The following SGCZ variants were observed in gnomAD, a reference collection of about 807,000 sequenced individuals.
SGCZ encodes sarcoglycan zeta, also known as zeta-sarcoglycan.
In SGCZ, 40 loss-of-function variants were observed where a neutral mutation model predicts 41.3. The observed-to-expected ratio is 0.97, with a 90% CI of 0.75 to 1.26. The LOEUF (loss-of-function observed/expected upper bound fraction) is 1.26, where lower values mean the gene tolerates loss of function less well. SGCZ is among the 50% of genes most tolerant of loss of function. SGCZ has a pLI of 0.00. For synonymous variants in SGCZ, 206 were observed against 137.5 expected (o/e 1.50, Z -3.49); for missense variants, 552 against 369.8 (o/e 1.49, Z -4.04).
chr8:14,757,220 T>G (rs1006617613), intron 1 of SGCZ, among the ~76,000 whole-genome samples: 5 of 152,174 alleles, frequency 3.3e-5, no homozygotes, highest in African/African-American at 7.2e-5. Context: ...AGCTAATGTT[T>G]GTATTCTTAG....
At chr8:14,764,815 G>C (rs1799992126) in intron 1 of SGCZ, among the ~76,000 whole-genome samples, 1 of 152,084 alleles carries the variant, frequency 6.6e-6, no homozygotes, top group South Asian at 2.1e-4. Flanking sequence ...GTTGAATAAT[G>C]AACATGCTTC....
intron 1 of SGCZ, among the ~76,000 whole-genome samples, chr8:15,144,195 A>T (rs1432148697): frequency 3.3e-5 from 5 of 152,216 alleles, no homozygotes. Context: ...GAATCAGAAA[A>T]TTGCATTCCA....
At chr8:14,208,962 G>A (rs1310186142) in intron 4 of SGCZ, among the ~76,000 whole-genome samples, 1 of 152,268 alleles carries the variant, frequency 6.6e-6, no homozygotes, top group African/African-American at 2.4e-5. Context: ...AAATCAAGCT[G>A]CAGACATGGA....
intron 1 of SGCZ, among the ~76,000 whole-genome samples, chr8:14,593,106 G>C (rs1015190523): frequency 6.6e-6 from 1 of 152,066 alleles, no homozygotes; most frequent in Non-Finnish European, 1.5e-5. Context: ...AAGATGTCCA[G>C]ATTCCAATGC....
At chr8:14,943,479 T>G (rs1800342335) in intron 1 of SGCZ, among the ~76,000 whole-genome samples, 1 of 152,184 alleles carries the variant, frequency 6.6e-6, no homozygotes. Flanking sequence ...GCCTCCTCCC[T>G]GCACAGGCCA....
At chr8:15,188,815 GAAT>G (rs1244758411) in intron 1 of SGCZ, among the ~76,000 whole-genome samples, 1 of 151,912 alleles carries the variant, frequency 6.6e-6, no homozygotes, top group Non-Finnish European at 1.5e-5. Context: ...GTTGATTTGA[GAAT>G]AAGAAAGAAA....
At chr8:14,511,052 C>T (rs544629743) in intron 2 of SGCZ, among the ~76,000 whole-genome samples, 1 of 152,082 alleles carries the variant, frequency 6.6e-6, no homozygotes, top group South Asian at 2.1e-4. Flanking sequence ...CGAGCAAACA[C>T]AGATGGTTAC....
intron 1 of SGCZ, among the ~76,000 whole-genome samples, chr8:14,971,766 C>G (rs1237275923): frequency 1.3e-5 from 2 of 151,342 alleles, no homozygotes; most frequent in African/African-American, 4.9e-5. Context: ...TCTCCTGCCT[C>G]AGCCTCCCAA....
intron 5 of SGCZ, among the ~76,000 whole-genome samples, chr8:14,142,609 G>A (rs889861442): frequency 2.0e-5 from 3 of 152,118 alleles, no homozygotes; most frequent in Admixed American, 2.0e-4. Flanking sequence ...TGGCTGGGGA[G>A]GGAGCCCTGG....
At chr8:14,943,643 T>C (rs1800348643) in intron 1 of SGCZ, among the ~76,000 whole-genome samples, 1 of 152,078 alleles carries the variant, frequency 6.6e-6, no homozygotes, top group Admixed American at 6.6e-5. Flanking sequence ...GTCATGGGGG[T>C]TTGGGGGTTT....
At chr8:14,826,383 G>C (rs559841317) in intron 1 of SGCZ, among the ~76,000 whole-genome samples, 1 of 152,108 alleles carries the variant, frequency 6.6e-6, no homozygotes, top group South Asian at 2.1e-4. Flanking sequence ...GAATAGTGCC[G>C]CAATAAACAT....
chr8:14,657,193 T>G (rs985518659), intron 1 of SGCZ, among the ~76,000 whole-genome samples: 14 of 152,170 alleles, frequency 9.2e-5, no homozygotes, highest in Admixed American at 3.9e-4. Flanking sequence ...TTTTCTTAGT[T>G]GAGTGAAGAG....
intron 1 of SGCZ, among the ~76,000 whole-genome samples, chr8:15,104,547 G>A (rs940534136): frequency 6.6e-6 from 1 of 152,178 alleles, no homozygotes; most frequent in Non-Finnish European, 1.5e-5. Flanking sequence ...GGCACTTCCA[G>A]TCATCAGAAA....
rs138643745 is a variant in SGCZ at position 15,186,805 on chromosome 8, T to C, written c.39+50780A>G. Reference sequence around the variant, plus strand: ...TAGTGAGACAAAGAAGTCTACAACATTGATTTTGCCCAAAGTATTAACTGT... The same window carrying C: ...TAGTGAGACAAAGAAGTCTACAACACTGATTTTGCCCAAAGTATTAACTGT... On this transcript the variant is annotated intron_variant, in intron 1 of 7. Transcript: ENST00000382080. Among the ~76,000 whole-genome samples the C allele has an allele frequency of 2.5e-3, 376 of 152,292 alleles. 2 individuals are homozygous for C. Among genetic ancestry groups the C allele is most frequent in the African/African-American group, 8.5e-3 (353 of 41,570 alleles).
At chr8:14,357,214 C>G (rs148980117) in intron 2 of SGCZ, among the ~76,000 whole-genome samples, 1 of 152,048 alleles carries the variant, frequency 6.6e-6, no homozygotes, top group Non-Finnish European at 1.5e-5. Context: ...AATCATATAA[C>G]GAATCTCATC....
intron 3 of SGCZ, among the ~76,000 whole-genome samples, chr8:14,280,535 A>C (rs181075676): frequency 4.9e-4 from 75 of 152,004 alleles, no homozygotes; most frequent in Middle Eastern, 3.4e-3. Context: ...AGAAGATATT[A>C]CTTTGACTTT....
intron 1 of SGCZ, among the ~76,000 whole-genome samples, chr8:14,618,946 C>T (rs1412126272): frequency 1.3e-5 from 2 of 152,098 alleles, no homozygotes; most frequent in African/African-American, 2.4e-5. Context: ...AGGAAGAGAA[C>T]ATGTTTTATG....
chr8:14,119,312 A>T (rs1004696493), intron 5 of SGCZ, among the ~76,000 whole-genome samples: 1 of 151,826 alleles, frequency 6.6e-6, no homozygotes, highest in Non-Finnish European at 1.5e-5. Context: ...GTATTTTATT[A>T]TCTTTATAGC....
At chr8:14,832,043 T>C (rs1051044977) in intron 1 of SGCZ, among the ~76,000 whole-genome samples, 1 of 152,124 alleles carries the variant, frequency 6.6e-6, no homozygotes, top group Non-Finnish European at 1.5e-5. Flanking sequence ...AGAAACAGAT[T>C]AACAAACAGA....
Sources: gnomAD v4.1 joint callset for allele counts (sites outside exome capture counted in the v4.1 genomes callset) on GRCh38, gnomAD v4.1.1 for gene constraint, MANE v1.5 for transcripts, NCBI Gene and HGNC (gene_info 2026-07-23, HGNC 2026-07-21) for gene names.